EDA: variants seen among roughly 807,000 people sequenced by gnomAD.
EDA encodes the protein ectodysplasin-A.
In EDA, 2 loss-of-function variants were observed where a neutral mutation model predicts 23.6. That is an observed-to-expected ratio of 0.08 (90% confidence interval 0.03 to 0.27). The LOEUF (loss-of-function observed/expected upper bound fraction) is 0.27, where lower values mean the gene tolerates loss of function less well. Ranked by LOEUF, EDA falls within the 10% of genes least tolerant of loss-of-function variation. EDA has a pLI of 1.00. For missense variants in EDA, 229 were observed against 324.2 expected, an observed-to-expected ratio of 0.71 and a Z score of 2.26; for synonymous variants, 131 against 132.0, an observed-to-expected ratio of 0.99 and a Z score of 0.05.
At position 69,616,321 on chromosome X, in the gene EDA, G is replaced by A. The variant is rs1427013678; in HGVS notation, c.13G>A (p.Glu5Lys). Residue 5 changes from glutamate (E) to lysine (K), a missense_variant, in exon 1 of 8, where the codon GAG becomes AAG. By Grantham distance (56) the Glu-to-Lys change is moderately conservative. This residue lies in a region of EDA where 54 missense variants were observed against 42.4 expected (regional missense o/e 1.27). Coordinates refer to ENST00000374552, the MANE Select transcript of EDA (RefSeq NM_001399.5). The part of the protein sequence containing the change: MGYP[E>K]VERRELLPAA... ...GTCTCCGGAGGCCATGGGCTACCCGGAGGTGGAGCGCAGGGAACTCCTGCC... is the reference window on the plus strand; with the variant it reads ...GTCTCCGGAGGCCATGGGCTACCCGAAGGTGGAGCGCAGGGAACTCCTGCC... The A allele has an allele frequency of 4.2e-6, 5 of 1,196,426 alleles. No individual in the cohort carries two copies. The African/African-American group carries it at 8.7e-5, about 21-fold the overall frequency.
rs132630317 is a variant in EDA, at chrX:70,035,478, G to T, written c.1045G>T (p.Ala349Ser). 2 of 1,207,559 alleles carry T rather than the reference G, an allele frequency of 1.7e-6. No homozygotes were observed. The highest frequency in any genetic ancestry group is 2.2e-6 in the Non-Finnish European group (2 of 894,727). ...GKTNYNTCYT[A>S]GVCLLKARQK... ...GACCAACTACAACACTTGCTATACCGCAGGCGTCTGCCTCCTCAAGGCCCG... is the reference window on the plus strand; with the variant it reads ...GACCAACTACAACACTTGCTATACCTCAGGCGTCTGCCTCCTCAAGGCCCG... The change falls in exon 8 of 8, where the codon GCA becomes TCA. Residue 349 changes from alanine (A) to serine (S), a missense_variant. Coordinates refer to ENST00000374552, the MANE Select transcript of EDA (RefSeq NM_001399.5).
intron 1 of EDA, among the ~76,000 whole-genome samples, chrX:69,890,148 A>G (rs980470192): frequency 2.9e-4 from 32 of 111,372 alleles, no homozygotes; most frequent in African/African-American, 8.2e-4. Context: ...AGAATAAAAT[A>G]CCTAGGAATT....
At chrX:69,889,651 A>G (rs2017893306) in intron 1 of EDA, among the ~76,000 whole-genome samples, 1 of 111,343 alleles carries the variant, frequency 9.0e-6, no homozygotes, top group South Asian at 3.7e-4. Flanking sequence ...TTGATTTTTT[A>G]TTTATATGGA....
intron 1 of EDA, among the ~76,000 whole-genome samples, chrX:69,782,366 T>TAAAAAAAAAAAAA (rs751293381): frequency 4.1e-4 from 27 of 65,454 alleles, no homozygotes; most frequent in African/African-American, 1.9e-3. Context: ...TAAATGCTCT[T>TAAAAAAAAAAAAA]AAAAAAAAAA....
chrX:69,973,085 A>G (rs933540308), intron 2 of EDA, among the ~76,000 whole-genome samples: 1 of 111,761 alleles, frequency 8.9e-6, no homozygotes, highest in Non-Finnish European at 1.9e-5. Context: ...GGACAGAAAA[A>G]CAGAAAACTC....
chrX:69,913,477 C>T (rs1394138958), intron 1 of EDA, among the ~76,000 whole-genome samples: 2 of 112,395 alleles, frequency 1.8e-5, no homozygotes, highest in African/African-American at 6.5e-5. Flanking sequence ...TTCTTTCAGC[C>T]TTCACAGAGT....
At chrX:69,725,082 A>G (rs2012741242) in intron 1 of EDA, among the ~76,000 whole-genome samples, 1 of 112,331 alleles carries the variant, frequency 8.9e-6, no homozygotes, top group Admixed American at 9.4e-5. Flanking sequence ...CATGCCATTA[A>G]CTAGAGAAGT....
intron 1 of EDA, among the ~76,000 whole-genome samples, chrX:69,758,373 A>C (rs1351520187): frequency 1.8e-5 from 2 of 112,210 alleles, no homozygotes; most frequent in African/African-American, 6.5e-5. Context: ...GATCTGGTAG[A>C]AAGAAGATTC....
chrX:70,028,854 G>T, intron 4 of EDA, among the ~76,000 whole-genome samples: 1 of 112,465 alleles, frequency 8.9e-6, no homozygotes, highest in East Asian at 2.8e-4. Context: ...GTATCTTGGG[G>T]CTTTAAAGAA....
chrX:70,007,012 A>G (rs998341932), intron 2 of EDA, among the ~76,000 whole-genome samples: 2 of 111,579 alleles, frequency 1.8e-5, no homozygotes, highest in African/African-American at 6.5e-5. Context: ...AAAAAAAACT[A>G]TCCCTTCTCC....
intron 1 of EDA, among the ~76,000 whole-genome samples, chrX:69,874,417 G>C (rs2017612681): frequency 8.9e-6 from 1 of 112,206 alleles, no homozygotes; most frequent in Non-Finnish European, 1.9e-5. Flanking sequence ...AATAGATGCA[G>C]AAAAAGCATT....
intron 1 of EDA, among the ~76,000 whole-genome samples, chrX:69,831,291 G>T (rs2016604035): frequency 8.9e-6 from 1 of 111,903 alleles, no homozygotes; most frequent in Non-Finnish European, 1.9e-5. Flanking sequence ...CCACCTATGA[G>T]TGAGAAGATG....
At chrX:69,845,281 G>A (rs2016983688) in intron 1 of EDA, among the ~76,000 whole-genome samples, 1 of 112,388 alleles carries the variant, frequency 8.9e-6, no homozygotes, top group Non-Finnish European at 1.9e-5. Context: ...TTATAACACA[G>A]AGATCTATCT....
intron 1 of EDA, among the ~76,000 whole-genome samples, chrX:69,824,335 G>T (rs1410377331): frequency 4.6e-5 from 5 of 109,890 alleles, no homozygotes; most frequent in Admixed American, 9.8e-5. Context: ...CATGAGCATG[G>T]AATGTTCTTC....
rs112395392 is a variant in EDA at position 69,998,931 on chromosome X, G to A, written c.503-24287G>A. Among the ~76,000 whole-genome samples the A allele has an allele frequency of 2.9e-3, 326 of 111,126 alleles. 2 individuals carry two copies. Among genetic ancestry groups the A allele is most frequent in the African/African-American group, 9.9e-3 (302 of 30,545 alleles). On this transcript the variant is annotated intron_variant, in intron 2 of 7. Coordinates refer to ENST00000374552, the MANE Select transcript of EDA (RefSeq NM_001399.5). Reference sequence around the variant, plus strand: ...AACCTCTTTTTCTTCCCAGTCTCGGGTATGTCTTTATCAACAGTGTAAAAA... The same window carrying A: ...AACCTCTTTTTCTTCCCAGTCTCGGATATGTCTTTATCAACAGTGTAAAAA...
intron 4 of EDA, 126 bp from the exon 5 acceptor site, chrX:70,029,378 C>A (rs1196945139): frequency 2.5e-6 from 2 of 803,094 alleles, no homozygotes; most frequent in East Asian, 3.2e-5. Context: ...CAGCTCTGAG[C>A]CCTGGAGAAT....
Position 69,616,145 on chromosome X carries a change from T to C in EDA, c.-164T>C, listed in dbSNP as rs1931914256. 6.1e-6 allele frequency: 2 copies of C among 325,588 alleles called. No individual in the cohort carries two copies. The allele number at this position is 325,588 out of a possible 1,213,427, so 26.8% of individuals were successfully genotyped here. On this transcript the variant is annotated 5_prime_UTR_variant, in exon 1 of 8. The change abolishes an upstream ATG in the 5' untranslated region. Coordinates refer to ENST00000374552, the MANE Select transcript of EDA (RefSeq NM_001399.5). Reference sequence around the variant, plus strand: ...CCACCCCTCGGAGTAGAGCTGCACATGCGGCTGCTCCCTGCTCCGTCCCGC... The same window carrying C: ...CCACCCCTCGGAGTAGAGCTGCACACGCGGCTGCTCCCTGCTCCGTCCCGC...
chrX:69,868,590 A>G (rs2017519999), intron 1 of EDA, among the ~76,000 whole-genome samples: 1 of 112,218 alleles, frequency 8.9e-6, no homozygotes, highest in African/African-American at 3.2e-5. Flanking sequence ...CGAATCAGCA[A>G]AATGTCATCA....
intron 1 of EDA, among the ~76,000 whole-genome samples, chrX:69,631,531 T>A (rs931851249): frequency 9.1e-6 from 1 of 110,417 alleles, no homozygotes; most frequent in Non-Finnish European, 1.9e-5. Context: ...TATTATGTAC[T>A]GTTTCCAACA....
Sources: gnomAD v4.1 joint callset for allele counts (sites outside exome capture counted in the v4.1 genomes callset) on GRCh38, gnomAD v4.1.1 for gene constraint, gnomAD v4.1.1 regional missense constraint, MANE v1.5 for transcripts, NCBI Gene and HGNC (gene_info 2026-07-23, HGNC 2026-07-21) for gene names.